Variants in LRIG1 observed in about 807,000 individuals in gnomAD.
The protein encoded by LRIG1 is leucine rich repeats and immunoglobulin like domains 1.
LRIG1 carries 48 observed loss-of-function variants against 99.2 expected under a neutral mutation model. The observed-to-expected ratio is 0.48, with a 90% confidence interval of 0.38 to 0.62. The LOEUF (loss-of-function observed/expected upper bound fraction) is 0.62, where lower values mean the gene tolerates loss of function less well. Among genes scored for constraint, LRIG1 ranks in the 20% least tolerant of loss-of-function variants. The probability of loss-of-function intolerance (pLI) is 0.00; values close to 1 mark genes in which losing one functional copy is unlikely to be tolerated. For synonymous variants in LRIG1, 772 were observed against 596.1 expected (o/e 1.29, Z -4.30); for missense variants, 1,646 against 1,434.4 (o/e 1.15, Z -2.38).
intron 9 of LRIG1, among the ~76,000 whole-genome samples, chr3:66,402,231 T>A (rs1266927885): frequency 6.6e-6 from 1 of 152,124 alleles, no homozygotes; most frequent in Non-Finnish European, 1.5e-5. Context: ...AAATTCTCCC[T>A]TCCCTCCCGC....
rs745914330 is a variant in LRIG1 at position 66,382,223 on chromosome 3, CA to C, written c.2617+49del. On this transcript the variant is annotated intron_variant, in intron 16 of 18. Coordinates refer to ENST00000273261, the MANE Select transcript of LRIG1 (RefSeq NM_015541.3). ...AGACCTGGAGGCCACCTCCAGCACC[CA>C]GAGACACAGTCACAGCAGAGCTCTG... is the stretch of plus-strand genomic sequence containing the variant. 1.9e-6 allele frequency: 3 copies of C among 1,607,734 alleles called. No individual in the cohort carries two copies. The South Asian group carries it at 3.3e-5, about 18-fold the overall frequency.
At chr3:66,453,227 T>C (rs1434713321) in intron 2 of LRIG1, among the ~76,000 whole-genome samples, 4 of 152,228 alleles carry the variant, frequency 2.6e-5, no homozygotes, top group Non-Finnish European at 5.9e-5. Context: ...GCAGCTTGCC[T>C]AAGAACTCTT....
rs990386951 is a variant in LRIG1, at chr3:66,462,524, G to A, written c.219-15C>T. 2.3e-5 allele frequency: 37 copies of A among 1,598,474 alleles called. No homozygotes were observed. Among genetic ancestry groups the A allele is most frequent in the Non-Finnish European group, 3.0e-5 (35 of 1,168,214 alleles). On this transcript the variant is annotated splice_polypyrimidine_tract_variant and intron_variant, in intron 1 of 18. Coordinates refer to ENST00000273261, the MANE Select transcript of LRIG1 (RefSeq NM_015541.3). ...AACTCAGGTTTCTGGTAAAGACAGA[G>A]AGAGAAAAAAACGGAATCAACAACC...
rs1277480965 is a variant in LRIG1 at position 66,383,381 on chromosome 3, G to T, written c.2092C>A (p.Pro698Thr). Residue 698 changes from proline to threonine, a missense_variant, in exon 15 of 19, where the codon CCC becomes ACC. Pro to Thr is a conservative substitution (Grantham distance 38, BLOSUM62 -1). Coordinates refer to ENST00000273261, the MANE Select transcript of LRIG1 (RefSeq NM_015541.3). ...TVLETPSLVV[P>T]LEDRVVSVGE... is the part of the protein sequence containing the mutation. ...ACAGATACCACACGGTCTTCCAAGGGGACCACCAAGGATGGGGTCTCTACA... is the reference window on the plus strand; with the variant it reads ...ACAGATACCACACGGTCTTCCAAGGTGACCACCAAGGATGGGGTCTCTACA... The T allele has an allele frequency of 3.8e-6, 6 of 1,561,934 alleles. No individual in the cohort carries two copies. Among genetic ancestry groups the T allele is most frequent in the Non-Finnish European group, 5.2e-6 (6 of 1,148,702 alleles).
chr3:66,381,110 G>C (rs573941209), intron 17 of LRIG1, among the ~76,000 whole-genome samples: 1 of 152,162 alleles, frequency 6.6e-6, no homozygotes, highest in Non-Finnish European at 1.5e-5. Context: ...ACTGCTTCAC[G>C]GGGGAAAAGC....
At chr3:66,413,117 C>T in intron 5 of LRIG1, 103 bp from the exon 6 acceptor site, 6 of 1,348,296 alleles carry the variant, frequency 4.5e-6, no homozygotes, top group Non-Finnish European at 6.3e-6. Flanking sequence ...GAGGAGAAAT[C>T]CCAGTGCAGG....
chr3:66,466,794 G>T (rs1414631254), intron 1 of LRIG1, among the ~76,000 whole-genome samples: 1 of 152,204 alleles, frequency 6.6e-6, no homozygotes, highest in African/African-American at 2.4e-5. Flanking sequence ...AAATTCTCCT[G>T]TCAAAACAAT....
At chr3:66,388,106 C>CAAAAAA (rs34227936) in intron 12 of LRIG1, 5 of 53,640 alleles carry the variant, frequency 9.3e-5, no homozygotes, top group African/African-American at 4.7e-4. Flanking sequence ...GACTCTGTCT[C>CAAAAAA]AAAAAAAAAA....
intron 6 of LRIG1, among the ~76,000 whole-genome samples, chr3:66,410,943 AC>A (rs1056216634): frequency 1.3e-5 from 2 of 152,156 alleles, no homozygotes; most frequent in Non-Finnish European, 2.9e-5. Flanking sequence ...GTGCTAGGAG[AC>A]CCGCTTTAGC....
intron 6 of LRIG1, among the ~76,000 whole-genome samples, chr3:66,411,242 G>A (rs926319053): frequency 3.3e-5 from 5 of 152,196 alleles, no homozygotes; most frequent in African/African-American, 7.2e-5. Flanking sequence ...ATTTTGCTCC[G>A]TGTTCAGTAT....
chr3:66,398,197 T>TTA lies in LRIG1; in HGVS notation c.1233-15_1233-14insTA. 1 of 1,608,742 alleles carries TTA rather than the reference T, an allele frequency of 6.2e-7. No individual in the cohort carries two copies. Among genetic ancestry groups the TTA allele is most frequent in the South Asian group, 1.1e-5 (1 of 90,928 alleles). ...CCTCCAAGGTTCCTGAAACAGAACATACATTACTTATGCAAAGAAACCCTA... is the reference window on the plus strand; with the variant it reads ...CCTCCAAGGTTCCTGAAACAGAACATTAACATTACTTATGCAAAGAAACCCTA... On this transcript the variant is annotated splice_polypyrimidine_tract_variant and intron_variant, in intron 10 of 18. Transcript: ENST00000273261.
chr3:66,386,661 T>TA, intron 12 of LRIG1: 1 of 200,918 alleles, frequency 5.0e-6, no homozygotes, highest in African/African-American at 2.3e-5. Flanking sequence ...TGCAGAGATC[T>TA]TACCCACAAA....
chr3:66,451,576 A>C lies in LRIG1; in HGVS notation c.348T>G (p.His116Gln), dbSNP rs1703906007. The change falls in exon 3 of 19, where the codon CAT becomes CAG. Residue 116 changes from histidine (H) to glutamine (Q), a missense_variant. Physicochemically the swap from His to Gln is conservative, Grantham distance 24 (BLOSUM62 0). Transcript: ENST00000273261. ...AVPSLGAASS[H>Q]VVSLFLQHNK... ...CCACTTACAGAAAGAGAGAGACGAC[A>C]TGTGATGAAGCAGCGCCCAGGGATG... is the stretch of plus-strand genomic sequence containing the variant. 2 of 1,614,128 alleles carry C rather than the reference A, an allele frequency of 1.2e-6. No individual in the cohort carries two copies. The highest frequency in any genetic ancestry group is 1.7e-6 in the Non-Finnish European group (2 of 1,179,996).
At chr3:66,434,344 AAACAAGCAAATGAAAAGATGCTT>A (rs1466314424) in intron 3 of LRIG1, among the ~76,000 whole-genome samples, 1 of 152,218 alleles carries the variant, frequency 6.6e-6, no homozygotes, top group Non-Finnish European at 1.5e-5. Context: ...TACAGGTGGC[AAACAAGCAAATGAAAAGATGCTT>A]AACATCATTG....
At chr3:66,484,621 T>C (rs1700928324) in intron 1 of LRIG1, among the ~76,000 whole-genome samples, 1 of 152,010 alleles carries the variant, frequency 6.6e-6, no homozygotes. Context: ...TAAAAAGTCT[T>C]TTTAAAAAGC....
At chr3:66,397,465 A>AAC (rs1701897401) in intron 11 of LRIG1, among the ~76,000 whole-genome samples, 1 of 151,514 alleles carries the variant, frequency 6.6e-6, no homozygotes, top group Non-Finnish European at 1.5e-5. Flanking sequence ...AAAAAAAAAA[A>AAC]ACCAGAAAGG....
At position 66,436,528 on chromosome 3, in the gene LRIG1, G is replaced by A. The variant is rs186847492; in HGVS notation, c.365+15031C>T. On this transcript the variant is annotated intron_variant, in intron 3 of 18. Coordinates refer to ENST00000273261, the MANE Select transcript of LRIG1 (RefSeq NM_015541.3). ...ATCCCACAGAACAAGTATTCCAGGT[G>A]GCTCACTACTCACTATCTGTGGGAA... Among the ~76,000 whole-genome samples the A allele has an allele frequency of 6.7e-3, 1,018 of 152,222 alleles. 3 individuals carry two copies. The highest frequency in any genetic ancestry group is 9.8e-3 in the Non-Finnish European group (665 of 68,024).
chr3:66,438,001 A>C (rs1703414345), intron 3 of LRIG1, among the ~76,000 whole-genome samples: 2 of 152,162 alleles, frequency 1.3e-5, no homozygotes, highest in Admixed American at 1.3e-4. Context: ...AGAGGATGGG[A>C]AGCCACGAAG....
chr3:66,485,529 ACGATT>A (rs1467699683), intron 1 of LRIG1, among the ~76,000 whole-genome samples: 3 of 152,180 alleles, frequency 2.0e-5, no homozygotes, highest in African/African-American at 7.2e-5. Flanking sequence ...AAATTATCTA[ACGATT>A]CATCAGTGAG....
Sources: gnomAD v4.1 joint callset for allele counts (sites outside exome capture counted in the v4.1 genomes callset) on GRCh38, gnomAD v4.1.1 for gene constraint, MANE v1.5 for transcripts, NCBI Gene and HGNC (gene_info 2026-07-23, HGNC 2026-07-21) for gene names.